Variants in DMD observed in about 807,000 individuals in gnomAD.
DMD encodes dystrophin.
In DMD, 63 loss-of-function variants were observed where a neutral mutation model predicts 330.1. That is an observed-to-expected ratio of 0.19 (90% confidence interval 0.16 to 0.24). The LOEUF is 0.24. Among genes scored for constraint, DMD ranks in the 10% least tolerant of loss-of-function variants. DMD has a pLI of 1.00. For missense variants in DMD, 3,344 were observed against 2,684.1 expected, an observed-to-expected ratio of 1.25 and a Z score of -5.43; for synonymous variants, 1,223 against 959.8, an observed-to-expected ratio of 1.27 and a Z score of -5.07.
chrX:32,955,447 G>A (rs958193208), intron 2 of DMD, among the ~76,000 whole-genome samples: 18 of 110,308 alleles, frequency 1.6e-4, no homozygotes, highest in Admixed American at 4.8e-4. Context: ...GACCTTTGTC[G>A]GATGCATAGT....
chrX:32,399,656 A>G (rs368630412), intron 30 of DMD, among the ~76,000 whole-genome samples: 1 of 111,381 alleles, frequency 9.0e-6, no homozygotes, highest in East Asian at 2.8e-4. Context: ...TACAACCACT[A>G]TGGAAAACAA....
intron 62 of DMD, among the ~76,000 whole-genome samples, chrX:31,276,024 T>C (rs979766878): frequency 1.8e-4 from 20 of 112,368 alleles, no homozygotes; most frequent in Non-Finnish European, 3.4e-4. Flanking sequence ...CATAAAACTT[T>C]AAGAAGCGAG....
chrX:32,554,773 G>A (rs996734512), intron 16 of DMD, among the ~76,000 whole-genome samples: 1 of 84,209 alleles, frequency 1.2e-5, no homozygotes, highest in Non-Finnish European at 2.3e-5. Flanking sequence ...ATATTATGAG[G>A]TCAGCATCAC....
At chrX:32,506,837 C>T (rs191474640) in intron 18 of DMD, among the ~76,000 whole-genome samples, 8 of 111,622 alleles carry the variant, frequency 7.2e-5, no homozygotes, top group Admixed American at 2.9e-4. Context: ...TTTCCAGGAA[C>T]GTGCACAATC....
intron 65 of DMD, among the ~76,000 whole-genome samples, chrX:31,208,160 G>A (rs1231914773): frequency 1.8e-5 from 2 of 111,445 alleles, no homozygotes; most frequent in South Asian, 7.6e-4. Context: ...TCCCAATGGC[G>A]GTTATTTTCG....
At chrX:32,115,437 C>A (rs1025199747) in intron 44 of DMD, among the ~76,000 whole-genome samples, 1 of 109,913 alleles carries the variant, frequency 9.1e-6, no homozygotes, top group African/African-American at 3.3e-5. Flanking sequence ...GAGGCGAGGT[C>A]TCGCTGTGTT....
At chrX:31,502,211 G>A (rs1351910504) in intron 56 of DMD, among the ~76,000 whole-genome samples, 2 of 111,288 alleles carry the variant, frequency 1.8e-5, no homozygotes, top group Non-Finnish European at 3.8e-5. Context: ...ATCAACAGAT[G>A]AATAATTTGA....
At chrX:31,846,464 C>T (rs1009007197) in intron 48 of DMD, among the ~76,000 whole-genome samples, 12 of 100,469 alleles carry the variant, frequency 1.2e-4, no homozygotes, top group Non-Finnish European at 1.6e-4. Context: ...CACACACACA[C>T]ACACACAATC....
intron 7 of DMD, among the ~76,000 whole-genome samples, chrX:32,803,444 G>C (rs1837733703): frequency 9.3e-6 from 1 of 107,534 alleles, no homozygotes. Context: ...TTTTTTAAGG[G>C]TTTTTCGTGT....
intron 27 of DMD, among the ~76,000 whole-genome samples, chrX:32,444,807 G>T (rs1322407218): frequency 2.7e-5 from 3 of 110,538 alleles, no homozygotes; most frequent in Non-Finnish European, 5.7e-5. Context: ...GGATAGGTAG[G>T]GTAAACTCAT....
At chrX:31,518,813 AGTT>A (rs1471325823) in intron 55 of DMD, among the ~76,000 whole-genome samples, 4 of 111,274 alleles carry the variant, frequency 3.6e-5, no homozygotes, top group African/African-American at 1.3e-4. Flanking sequence ...CAAATCATAG[AGTT>A]GTTGTTATGT....
chrX:32,866,729 G>GGA (rs2082520325), intron 2 of DMD, among the ~76,000 whole-genome samples: 1 of 31,490 alleles, frequency 3.2e-5, no homozygotes, highest in African/African-American at 1.2e-4. Flanking sequence ...TTTTTTGGGG[G>GGA]GGGGTGGGGG....
chrX:33,162,046 G>A (rs2048796454), intron 1 of DMD, among the ~76,000 whole-genome samples: 1 of 111,456 alleles, frequency 9.0e-6, no homozygotes, highest in Admixed American at 9.6e-5. Context: ...AAGCCACTGG[G>A]GGTAGTGTGA....
intron 7 of DMD, among the ~76,000 whole-genome samples, chrX:32,783,627 A>G (rs746491490): frequency 1.8e-5 from 2 of 110,527 alleles, no homozygotes; most frequent in South Asian, 3.8e-4. Flanking sequence ...AATTAAACAC[A>G]AAGAATAAAA....
chrX:32,128,409 G>T (rs1183687309), intron 44 of DMD, among the ~76,000 whole-genome samples: 1 of 111,592 alleles, frequency 9.0e-6, no homozygotes, highest in Non-Finnish European at 1.9e-5. Flanking sequence ...ATTTTTCATA[G>T]ATTTAGTTTG....
At chrX:31,691,892 T>C (rs140737074) in intron 52 of DMD, among the ~76,000 whole-genome samples, 58 of 111,480 alleles carry the variant, frequency 5.2e-4, no homozygotes, top group African/African-American at 1.6e-3. Flanking sequence ...TAAGAAAACA[T>C]TGGACTTGAA....
At chrX:31,237,261 G>A (rs1296951443) in intron 63 of DMD, among the ~76,000 whole-genome samples, 1 of 112,272 alleles carries the variant, frequency 8.9e-6, no homozygotes, top group Non-Finnish European at 1.9e-5. Context: ...CATGAATAAT[G>A]AGTCCAAGAT....
At chrX:31,371,030 G>A (rs768725013) in intron 60 of DMD, among the ~76,000 whole-genome samples, 1 of 111,489 alleles carries the variant, frequency 9.0e-6, no homozygotes, top group Admixed American at 9.5e-5. Context: ...GGTAGGGGGG[G>A]CAGGGAAGTG....
intron 1 of DMD, among the ~76,000 whole-genome samples, chrX:33,338,353 A>G (rs180835555): frequency 3.6e-5 from 4 of 110,497 alleles, no homozygotes; most frequent in Non-Finnish European, 7.6e-5. Context: ...AGTACTTATA[A>G]TTATAATCCA....
Sources: gnomAD v4.1 joint callset for allele counts (sites outside exome capture counted in the v4.1 genomes callset) on GRCh38, gnomAD v4.1.1 for gene constraint, MANE v1.5 for transcripts, NCBI Gene and HGNC (gene_info 2026-07-23, HGNC 2026-07-21) for gene names.